AK5: variants seen among roughly 807,000 people sequenced by gnomAD.
The protein encoded by AK5 is adenylate kinase 5.
In AK5, 27 loss-of-function variants were observed where a neutral mutation model predicts 69.5. That is an observed-to-expected ratio of 0.39 (90% CI 0.29 to 0.54). The LOEUF is 0.54. Ranked by LOEUF, AK5 falls within the 20% of genes least tolerant of loss-of-function variation. The probability of loss-of-function intolerance (pLI) is 0.71; values close to 1 mark genes in which losing one functional copy is unlikely to be tolerated. For missense variants in AK5, 531 were observed against 700.4 expected, an observed-to-expected ratio of 0.76 and a Z score of 2.73; for synonymous variants, 260 against 244.4, an observed-to-expected ratio of 1.06 and a Z score of -0.60.
chr1:77,368,770 C>T (rs753395928), intron 6 of AK5, among the ~76,000 whole-genome samples: 1 of 152,096 alleles, frequency 6.6e-6, no homozygotes, highest in East Asian at 1.9e-4. Flanking sequence ...GGCATCATGG[C>T]AGCACTCAAA....
chr1:77,395,627 A>G (rs1021610332), intron 6 of AK5, among the ~76,000 whole-genome samples: 11 of 152,244 alleles, frequency 7.2e-5, no homozygotes, highest in Admixed American at 1.3e-4. Flanking sequence ...GTGAAGCTGC[A>G]TCTTTGCAGA....
chr1:77,288,800 G>GGTAATAA (rs1203735096), intron 2 of AK5, among the ~76,000 whole-genome samples: 2 of 152,056 alleles, frequency 1.3e-5, no homozygotes, highest in South Asian at 4.2e-4. Context: ...GTGACTATAA[G>GGTAATAA]GTAATAAGAT....
chr1:77,558,050 G>GAAT lies in AK5; in HGVS notation c.1621-547_1621-545dup, dbSNP rs1256024481. ...GTAATATATATTTAAGTTTAGTGCT[G>GAAT]AATAATATTCCCCTGTCCATCTGGA... On this transcript the variant is annotated intron_variant, in intron 13 of 13. Transcript: ENST00000354567. Among the ~76,000 whole-genome samples the GAAT allele has an allele frequency of 2.6e-5, 4 of 152,140 alleles. No individual in the cohort carries two copies. In the East Asian group the frequency reaches 7.7e-4, roughly 29 times the overall value.
chr1:77,428,828 C>A (rs1186971393), intron 8 of AK5, among the ~76,000 whole-genome samples: 1 of 152,114 alleles, frequency 6.6e-6, no homozygotes, highest in Non-Finnish European at 1.5e-5. Context: ...TGTTCAATTC[C>A]CACCTATGAG....
intron 5 of AK5, among the ~76,000 whole-genome samples, chr1:77,338,168 T>G (rs955188918): frequency 6.6e-6 from 1 of 152,134 alleles, no homozygotes; most frequent in African/African-American, 2.4e-5. Flanking sequence ...TTTTGCCATT[T>G]TGGCCAGACT....
At chr1:77,367,846 T>A (rs369553980) in intron 6 of AK5, among the ~76,000 whole-genome samples, 40 of 1,016 alleles carry the variant, frequency 0.039, no homozygotes, top group South Asian at 0.067. Flanking sequence ...GTTATATATA[T>A]TATATATAAT....
chr1:77,538,363 A>AAC (rs1659086993), intron 13 of AK5, among the ~76,000 whole-genome samples: 1 of 145,172 alleles, frequency 6.9e-6, no homozygotes, highest in African/African-American at 2.5e-5. Flanking sequence ...ACAACAACAA[A>AAC]AAAAAAAAAC....
At chr1:77,327,003 A>C (rs978104432) in intron 5 of AK5, among the ~76,000 whole-genome samples, 1 of 152,182 alleles carries the variant, frequency 6.6e-6, no homozygotes, top group African/African-American at 2.4e-5. Flanking sequence ...CAATAACAGA[A>C]TCTCATGGGC....
chr1:77,423,384 T>A (rs2256735), intron 8 of AK5, among the ~76,000 whole-genome samples: 140,417 of 152,088 alleles, frequency 0.92, 64,952 homozygotes, highest in East Asian at 0.97. Flanking sequence ...AGAGGCCACC[T>A]CTTCTTCAAC....
At chr1:77,355,224 T>A (rs952724137) in intron 6 of AK5, among the ~76,000 whole-genome samples, 13 of 152,244 alleles carry the variant, frequency 8.5e-5, no homozygotes, top group African/African-American at 3.1e-4. Flanking sequence ...CAGTGAGCAG[T>A]TGCTGCATGA....
At chr1:77,388,236 A>T (rs2100518548) in intron 6 of AK5, among the ~76,000 whole-genome samples, 1 of 152,290 alleles carries the variant, frequency 6.6e-6, no homozygotes, top group Non-Finnish European at 1.5e-5. Flanking sequence ...GTTGGGCATT[A>T]ATTGCTTATT....
At chr1:77,398,740 A>G (rs1036146325) in intron 6 of AK5, among the ~76,000 whole-genome samples, 7 of 152,258 alleles carry the variant, frequency 4.6e-5, no homozygotes, top group African/African-American at 1.7e-4. Context: ...AAAGTATTTT[A>G]GTCCTCACTA....
chr1:77,349,659 T>G (rs780246534), intron 6 of AK5: 3 of 152,246 alleles, frequency 2.0e-5, no homozygotes, highest in Non-Finnish European at 4.4e-5. Flanking sequence ...AAAGTAATTT[T>G]TGCTAGGTAA....
chr1:77,392,878 G>T (rs541358468), intron 6 of AK5, among the ~76,000 whole-genome samples: 25 of 151,842 alleles, frequency 1.6e-4, no homozygotes, highest in Admixed American at 8.5e-4. Context: ...GTCCCATTTT[G>T]CCCTTCCAAC....
At chr1:77,492,168 G>A (rs1048366958) in intron 10 of AK5, among the ~76,000 whole-genome samples, 4 of 152,144 alleles carry the variant, frequency 2.6e-5, no homozygotes, top group East Asian at 1.9e-4. Context: ...GGCCTTATGC[G>A]TATTTCCCAT....
rs746842917 is a variant in AK5, at chr1:77,297,580, G to A, written c.437G>A (p.Gly146Asp). 1.9e-6 allele frequency: 3 copies of A among 1,610,354 alleles called. No homozygotes were observed. Among genetic ancestry groups the A allele is most frequent in the South Asian group, 1.1e-5 (1 of 90,044 alleles). Residue 146 changes from glycine (G) to aspartate (D), a missense_variant, in exon 4 of 14, where the codon GGT becomes GAT. Transcript: ENST00000354567. ...LVIGGPGSGKGTQSLKIAERY... is the reference protein window; with the variant it reads ...LVIGGPGSGKDTQSLKIAERY... ...CTAGGTGGTCCAGGAAGTGGAAAGG[G>A]TACTCAGAGTTTGAAAATTGCAGAA...
At chr1:77,482,027 G>T (rs567953376) in intron 8 of AK5, among the ~76,000 whole-genome samples, 7 of 152,312 alleles carry the variant, frequency 4.6e-5, no homozygotes, top group Middle Eastern at 3.4e-3. Context: ...ACATTGATCA[G>T]AGAAAAAGCA....
intron 6 of AK5, among the ~76,000 whole-genome samples, chr1:77,368,284 TATATATATGTTATATATA>T (rs1273878156): frequency 0.017 from 1,658 of 98,716 alleles, 54 homozygotes; most frequent in African/African-American, 0.055. Flanking sequence ...TTATATATGT[TATATATATGTTATATATA>T]ATATATATGT....
intron 2 of AK5, among the ~76,000 whole-genome samples, chr1:77,291,635 T>C (rs1323684180): frequency 6.6e-6 from 1 of 152,212 alleles, no homozygotes; most frequent in African/African-American, 2.4e-5. Context: ...TGGGAAACTA[T>C]TTCAGTAAGA....
Sources: allele counts gnomAD v4.1 joint callset (sites outside exome capture counted in the v4.1 genomes callset), GRCh38; gene constraint gnomAD v4.1.1; transcripts MANE v1.5; gene names NCBI Gene and HGNC (gene_info 2026-07-23, HGNC 2026-07-21).